The following TBC1D31 variants were observed in gnomAD, a reference collection of about 807,000 sequenced individuals.
TBC1D31 encodes the protein WD repeat domain 67.
Under a neutral mutation model 132.9 loss-of-function variants are expected in TBC1D31, and 99 were observed. The observed-to-expected ratio is 0.74, with a 90% CI of 0.63 to 0.88. The LOEUF (loss-of-function observed/expected upper bound fraction) is 0.88, where lower values mean the gene tolerates loss of function less well. Ranked by LOEUF, TBC1D31 falls within the 40% of genes least tolerant of loss-of-function variation. The probability of loss-of-function intolerance (pLI) is 0.00; values close to 1 mark genes in which losing one functional copy is unlikely to be tolerated. For missense variants in TBC1D31, 1,134 were observed against 1,256.6 expected (o/e 0.90, Z 1.48); for synonymous variants, 385 against 419.4 (o/e 0.92, Z 1.00).
intron 6 of TBC1D31, among the ~76,000 whole-genome samples, chr8:123,099,086 CT>C (rs1185163715): frequency 6.6e-6 from 1 of 152,148 alleles, no homozygotes; most frequent in Non-Finnish European, 1.5e-5. Flanking sequence ...TTTGCTTAAA[CT>C]TTTTTATTAC....
the TBC1D31 span, among the ~76,000 whole-genome samples, chr8:123,159,690 G>T: frequency 1.3e-5 from 2 of 152,102 alleles, no homozygotes; most frequent in African/African-American, 2.4e-5. Context: ...TACTCAGGAG[G>T]CTGAAGCAGG....
At chr8:123,129,512 A>G (rs2130807417) in intron 15 of TBC1D31, among the ~76,000 whole-genome samples, 1 of 152,344 alleles carries the variant, frequency 6.6e-6, no homozygotes, top group South Asian at 2.1e-4. Context: ...GTGGGCAGAA[A>G]TGCTTTGTAA....
At chr8:123,072,931 G>T (rs1814055561) in intron 1 of TBC1D31, 85 bp downstream of exon 1, 1 of 1,389,478 alleles carries the variant, frequency 7.2e-7, no homozygotes, top group Admixed American at 2.0e-5. Context: ...CAGCGTTCCG[G>T]GTTCTGGCTC....
chr8:123,159,527 C>T, the TBC1D31 span, among the ~76,000 whole-genome samples: 2 of 152,272 alleles, frequency 1.3e-5, no homozygotes, highest in East Asian at 3.9e-4. Context: ...CGCGGTGGCT[C>T]ACGTCTGTAA....
chr8:123,126,740 T>C, intron 13 of TBC1D31, 53 bp downstream of exon 13: 2 of 1,485,154 alleles, frequency 1.3e-6, no homozygotes, highest in Non-Finnish European at 9.1e-7. Flanking sequence ...TATTTCTCTC[T>C]ATTTTTTTTT....
At chr8:123,148,016 A>C (rs1031149131) in intron 20 of TBC1D31, among the ~76,000 whole-genome samples, 1 of 151,900 alleles carries the variant, frequency 6.6e-6, no homozygotes, top group Non-Finnish European at 1.5e-5. Flanking sequence ...AATCGCAGCT[A>C]CTCAGGAGGC....
intron 16 of TBC1D31, 120 bp from the exon 17 acceptor site, chr8:123,133,994 A>T (rs1820851357): frequency 3.2e-6 from 2 of 623,998 alleles, no homozygotes; most frequent in South Asian, 5.7e-5. Context: ...GGTTTCAAAA[A>T]CCCAGTTGCT....
At chr8:123,161,121 T>A in the TBC1D31 span, among the ~76,000 whole-genome samples, 1 of 152,132 alleles carries the variant, frequency 6.6e-6, no homozygotes, top group African/African-American at 2.4e-5. Context: ...GAGGACCCGC[T>A]GGGGACCCGA....
At chr8:123,164,302 C>T in the TBC1D31 span, among the ~76,000 whole-genome samples, 15 of 152,314 alleles carry the variant, frequency 9.8e-5, no homozygotes, top group East Asian at 1.5e-3. Flanking sequence ...TGGGTATATA[C>T]ATCAAAACTC....
chr8:123,086,350 T>C (rs907573207), intron 4 of TBC1D31, among the ~76,000 whole-genome samples: 23 of 152,192 alleles, frequency 1.5e-4, no homozygotes, highest in African/African-American at 5.1e-4. Context: ...GTCCTGACAC[T>C]GCCTCAATGA....
chr8:123,163,917 C>T, the TBC1D31 span, among the ~76,000 whole-genome samples: 1 of 152,210 alleles, frequency 6.6e-6, no homozygotes, highest in Non-Finnish European at 1.5e-5. Context: ...AAAACTTTTT[C>T]ATCACCCCAG....
rs573083518 is a variant in TBC1D31 at position 123,120,616 on chromosome 8, G to A, written c.1570+428G>A. The stretch of plus-strand genomic sequence containing the variant: ...GAACCCAGGAGGTGGAGGCTGCAGT[G>A]AGCTGAGATTGCTCTACAGCACTCC... On this transcript the variant is annotated intron_variant, in intron 11 of 21. Transcript: ENST00000287380. 1.5e-4 allele frequency among the ~76,000 whole-genome samples: 23 copies of A among 152,276 alleles called. No homozygotes were observed. In the East Asian group the frequency reaches 4.4e-3, roughly 29 times the overall value.
chr8:123,144,734 A>G lies in TBC1D31; in HGVS notation c.2853A>G (p.Gly951=). The change falls in exon 20 of 22, where the codon GGA becomes GGG. Residue 951 remains glycine, a synonymous_variant. Coordinates refer to ENST00000287380, the MANE Select transcript of TBC1D31 (RefSeq NM_145647.4). The part of the protein sequence containing the change: ...EEAKKWKEAE[G]KEFRLRSAKK... ...GAATTTAGTGGAAGGAAGCTGAAGG[A>G]AAAGAGTTCCGTTTGAGATCAGCAA... 1 of 1,605,422 alleles carries G rather than the reference A, an allele frequency of 6.2e-7. No homozygotes were observed. Among genetic ancestry groups the G allele is most frequent in the Non-Finnish European group, 8.5e-7 (1 of 1,177,938 alleles).
intron 10 of TBC1D31, among the ~76,000 whole-genome samples, chr8:123,112,026 T>C (rs1818493965): frequency 6.6e-6 from 1 of 152,136 alleles, no homozygotes. Context: ...AGTTTATTTA[T>C]TTATTTTTAA....
At chr8:123,111,159 T>TAC (rs377673505) in intron 10 of TBC1D31, among the ~76,000 whole-genome samples, 6 of 152,272 alleles carry the variant, frequency 3.9e-5, no homozygotes, top group African/African-American at 1.4e-4. Context: ...TGGTTTTATG[T>TAC]ACTTGTTAGG....
intron 2 of TBC1D31, among the ~76,000 whole-genome samples, chr8:123,081,902 G>C (rs1045577607): frequency 6.6e-6 from 1 of 152,194 alleles, no homozygotes; most frequent in Non-Finnish European, 1.5e-5. Context: ...AATTATGGGA[G>C]CCACAATTCA....
At position 123,129,142 on chromosome 8, in the gene TBC1D31, C is replaced by T; in HGVS notation, c.2194C>T (p.Leu732=). Residue 732 remains leucine, a synonymous_variant, in exon 15 of 22, where the codon CTG becomes TTG. Transcript: ENST00000287380. The stretch of plus-strand genomic sequence containing the variant: ...TGAAGCTTGGTACCAGAAACAGGAG[C>T]TGCTTCGTAAAGCTGAAGAAACAAG... The part of the protein sequence containing the change: ...EDEAWYQKQE[L]LRKAEETRRE... 1 of 1,608,706 alleles carries T rather than the reference C, an allele frequency of 6.2e-7. No homozygotes were observed. Among genetic ancestry groups the T allele is most frequent in the Non-Finnish European group, 8.5e-7 (1 of 1,176,392 alleles).
rs770929608 is a variant in TBC1D31, at chr8:123,109,584, C to G, written c.1400C>G (p.Pro467Arg). ...VAFLNLQKKY[P>R]IKSRKLLRVL... Reference sequence around the variant, plus strand: ...TTTCTCAACCTTCAGAAGAAATACCCCATCAAAAGTAGGAAGCTACTCAGA... The same window carrying G: ...TTTCTCAACCTTCAGAAGAAATACCGCATCAAAAGTAGGAAGCTACTCAGA... The change falls in exon 10 of 22, where the codon CCC (proline) becomes CGC (arginine). Residue 467 changes from proline to arginine, a missense_variant. Physicochemically the swap from Pro to Arg is moderately radical, Grantham distance 103 (BLOSUM62 -2). Transcript: ENST00000287380. 1 of 1,613,632 alleles carries G rather than the reference C, an allele frequency of 6.2e-7. No homozygotes were observed. Among genetic ancestry groups the G allele is most frequent in the Non-Finnish European group, 8.5e-7 (1 of 1,179,842 alleles).
chr8:123,111,190 G>T (rs966791001), intron 10 of TBC1D31, among the ~76,000 whole-genome samples: 3 of 151,974 alleles, frequency 2.0e-5, no homozygotes, highest in South Asian at 4.1e-4. Flanking sequence ...TTAATACCTG[G>T]CTGTCTCTCT....
Sources: gnomAD v4.1 joint callset for allele counts (sites outside exome capture counted in the v4.1 genomes callset) on GRCh38, gnomAD v4.1.1 for gene constraint, MANE v1.5 for transcripts, NCBI Gene and HGNC (gene_info 2026-07-23, HGNC 2026-07-21) for gene names.